The following P2RX5 variants were observed in gnomAD, a reference collection of about 807,000 sequenced individuals.
The protein encoded by P2RX5 is P2X purinoceptor 5.
P2RX5 carries 46 observed loss-of-function variants against 54.1 expected under a neutral mutation model. The observed-to-expected ratio is 0.85, with a 90% confidence interval of 0.67 to 1.09. P2RX5 has a LOEUF of 1.09. Ranked by LOEUF, P2RX5 falls within the 50% of genes least tolerant of loss-of-function variation. The pLI is 0.00. For missense variants in P2RX5, 566 were observed against 549.8 expected (o/e 1.03, Z -0.29); for synonymous variants, 226 against 226.4 (o/e 1.00, Z 0.02).
At chr17:3,693,173 T>C (rs1236665354) in intron 1 of P2RX5, among the ~76,000 whole-genome samples, 1 of 139,982 alleles carries the variant, frequency 7.1e-6, no homozygotes, top group South Asian at 2.3e-4. Flanking sequence ...AAATGCCCAA[T>C]TAAGCATATG....
chr17:3,714,733 C>G, the P2RX5 span: 462 of 602,356 alleles, frequency 7.7e-4, 5 homozygotes, highest in East Asian at 8.1e-3. Flanking sequence ...AACTAATATT[C>G]TACCAACAGC....
the P2RX5 span, among the ~76,000 whole-genome samples, chr17:3,713,577 C>G: frequency 6.6e-6 from 1 of 151,832 alleles, no homozygotes. Context: ...ATGGAGAAAC[C>G]CCATCTCTAC....
chr17:3,681,630 C>T (rs1249958656), intron 10 of P2RX5, among the ~76,000 whole-genome samples: 1 of 152,258 alleles, frequency 6.6e-6, no homozygotes, highest in Non-Finnish European at 1.5e-5. Context: ...AAACCGAGGC[C>T]CGGGGAGGCC....
At chr17:3,676,791 G>T in intron 11 of P2RX5, 1 of 216,206 alleles carries the variant, frequency 4.6e-6, no homozygotes, top group Non-Finnish European at 7.9e-6. Flanking sequence ...GCCGGGTTTG[G>T]TGGCTCACGC....
chr17:3,688,906 T>C, intron 7 of P2RX5, 147 bp from the exon 8 acceptor site: 1 of 840,126 alleles, frequency 1.2e-6, no homozygotes, highest in Non-Finnish European at 1.9e-6. Context: ...GGAGGCTTAG[T>C]CCCCCCATGG....
upstream of P2RX5, among the ~76,000 whole-genome samples, chr17:3,699,883 AAGGAAGGAAG>A: frequency 3.7e-5 from 2 of 53,898 alleles, no homozygotes; most frequent in East Asian, 4.1e-4. Flanking sequence ...GAAAGGAAGG[AAGGAAGGAAG>A]GAAGGAAGGA....
the P2RX5 span, among the ~76,000 whole-genome samples, chr17:3,719,248 A>G: frequency 2.1e-5 from 3 of 145,668 alleles, no homozygotes; most frequent in South Asian, 2.1e-4. Context: ...AAAAAAAAAA[A>G]AAAAAAAAGA....
At chr17:3,706,638 G>A in the P2RX5 span, among the ~76,000 whole-genome samples, 9 of 152,142 alleles carry the variant, frequency 5.9e-5, no homozygotes, top group Admixed American at 2.6e-4. Context: ...AAGCTAGAGC[G>A]TCAGAGCCTT....
At chr17:3,677,988 AG>A (rs2050142304) in intron 11 of P2RX5, 2 of 985,412 alleles carry the variant, frequency 2.0e-6, no homozygotes, top group South Asian at 9.4e-5. Context: ...TGTCTCATGC[AG>A]GCACAGACTC....
chr17:3,712,452 T>G, the P2RX5 span, among the ~76,000 whole-genome samples: 1 of 152,030 alleles, frequency 6.6e-6, no homozygotes. Context: ...CAGGCAGGTG[T>G]GAGGCAGGCA....
the P2RX5 span, chr17:3,716,731 C>T: frequency 6.2e-7 from 1 of 1,611,930 alleles, no homozygotes; most frequent in African/African-American, 1.3e-5. Context: ...CAGAAGTCCA[C>T]CAACGCTGCC....
At chr17:3,718,248 T>C in the P2RX5 span, 5 of 152,240 alleles carry the variant, frequency 3.3e-5, no homozygotes, top group Admixed American at 3.3e-4. Context: ...TAAGAGGATG[T>C]CTCCTGGGAG....
At chr17:3,716,668 A>T in the P2RX5 span, 1 of 1,389,912 alleles carries the variant, frequency 7.2e-7, no homozygotes, top group Non-Finnish European at 1.0e-6. Flanking sequence ...CCTCACTGTG[A>T]TGCCATGAGT....
intron 11 of P2RX5, 27 bp from the exon 12 acceptor site, chr17:3,673,904 C>T (rs1168086992): frequency 1.3e-6 from 2 of 1,598,818 alleles, no homozygotes; most frequent in Non-Finnish European, 8.5e-7. Context: ...GAAAGGAGCT[C>T]TTGAGAGGCT....
chr17:3,690,043 T>G, intron 6 of P2RX5, 27 bp downstream of exon 6: 1 of 1,607,052 alleles, frequency 6.2e-7, no homozygotes, highest in Non-Finnish European at 8.5e-7. Context: ...GGCCCACCCG[T>G]GGCCCCCAGT....
chr17:3,702,073 C>T, the P2RX5 span, among the ~76,000 whole-genome samples: 1 of 152,106 alleles, frequency 6.6e-6, no homozygotes, highest in Non-Finnish European at 1.5e-5. Context: ...AGCTGGACTT[C>T]CTGGGTCGAG....
intron 9 of P2RX5, chr17:3,682,301 C>A: frequency 2.5e-6 from 1 of 397,316 alleles, no homozygotes; most frequent in Non-Finnish European, 4.8e-6. Flanking sequence ...CACCGAAGTA[C>A]GGAGAGGATC....
rs764978934 is a variant in P2RX5, at chr17:3,690,720, C to T, written c.361-40G>A. 4.4e-6 allele frequency: 7 copies of T among 1,600,386 alleles called. No individual in the cohort carries two copies. The African/African-American group carries it at 6.7e-5, about 15-fold the overall frequency. On this transcript the variant is annotated intron_variant, in intron 3 of 11. Coordinates refer to ENST00000225328, the MANE Select transcript of P2RX5 (RefSeq NM_002561.4). ...GGGGCACCTGGATGGGGGGGTTCCC[C>T]CAGCTCAGAGCCGGGTCCCACTCCA...
chr17:3,721,011 C>T, the P2RX5 span, among the ~76,000 whole-genome samples: 1 of 152,280 alleles, frequency 6.6e-6, no homozygotes, highest in East Asian at 1.9e-4. Context: ...TCACTATAGC[C>T]TCAACCTTCC....
Sources: allele counts gnomAD v4.1 joint callset (sites outside exome capture counted in the v4.1 genomes callset), GRCh38; gene constraint gnomAD v4.1.1; transcripts MANE v1.5; gene names NCBI Gene and HGNC (gene_info 2026-07-23, HGNC 2026-07-21).